The following GRIP1 variants were observed in gnomAD, a reference collection of about 807,000 sequenced individuals.
GRIP1 encodes glutamate receptor-interacting protein 1.
A neutral mutation model predicts 129.9 loss-of-function variants in GRIP1; 45 were observed. The observed-to-expected ratio is 0.35, with a 90% CI of 0.27 to 0.44. The LOEUF (loss-of-function observed/expected upper bound fraction) is 0.44. GRIP1 is among the 20% of genes least tolerant of loss of function. GRIP1 has a pLI of 1.00. For synonymous variants in GRIP1, 530 were observed against 520.8 expected, an observed-to-expected ratio of 1.02 and a Z score of -0.24; for missense variants, 1,196 against 1,396.8, an observed-to-expected ratio of 0.86 and a Z score of 2.29.
At chr12:66,702,600 G>A (rs1385427751) in intron 1 of GRIP1, among the ~76,000 whole-genome samples, 3 of 152,072 alleles carry the variant, frequency 2.0e-5, no homozygotes, top group Admixed American at 1.3e-4. Context: ...ACAACAAAGT[G>A]GCCACAGAAG....
intron 1 of GRIP1, among the ~76,000 whole-genome samples, chr12:66,651,478 C>T (rs2032790548): frequency 6.6e-6 from 1 of 152,160 alleles, no homozygotes; most frequent in South Asian, 2.1e-4. Flanking sequence ...ATTCTCAATC[C>T]TCTTTATTTC....
At chr12:67,060,616 T>A (rs901141852) in intron 1 of GRIP1, among the ~76,000 whole-genome samples, 1 of 151,720 alleles carries the variant, frequency 6.6e-6, no homozygotes, top group Non-Finnish European at 1.5e-5. Flanking sequence ...AGGTCAGGAG[T>A]TCGAGACCAG....
intron 16 of GRIP1, among the ~76,000 whole-genome samples, chr12:66,398,740 ATGAT>A (rs2056882011): frequency 6.6e-6 from 1 of 152,030 alleles, no homozygotes; most frequent in Non-Finnish European, 1.5e-5. Flanking sequence ...TCCATCAGGT[ATGAT>A]TGAGATTTGG....
At chr12:66,465,688 T>C (rs1426389355) in intron 7 of GRIP1, among the ~76,000 whole-genome samples, 1 of 152,254 alleles carries the variant, frequency 6.6e-6, no homozygotes, top group Non-Finnish European at 1.5e-5. Context: ...TCACTTGGGA[T>C]AATATCTTAT....
intron 1 of GRIP1, among the ~76,000 whole-genome samples, chr12:66,644,217 T>A (rs2032173098): frequency 6.6e-6 from 1 of 151,990 alleles, no homozygotes; most frequent in African/African-American, 2.4e-5. Flanking sequence ...ATTATGGGAG[T>A]ACAATTCAAG....
chr12:66,581,937 G>A (rs1009987000), intron 2 of GRIP1, among the ~76,000 whole-genome samples: 10 of 152,040 alleles, frequency 6.6e-5, no homozygotes, highest in Non-Finnish European at 8.8e-5. Flanking sequence ...CCAAAGCCAG[G>A]CAGAGACACA....
intron 23 of GRIP1, among the ~76,000 whole-genome samples, chr12:66,355,090 T>C (rs1201581077): frequency 1.3e-5 from 2 of 152,176 alleles, no homozygotes; most frequent in East Asian, 1.9e-4. Context: ...AGTGTCCTCC[T>C]GGACAGGAGC....
intron 1 of GRIP1, among the ~76,000 whole-genome samples, chr12:66,884,463 G>A (rs2040531112): frequency 6.6e-6 from 1 of 152,152 alleles, no homozygotes; most frequent in South Asian, 2.1e-4. Context: ...AAAGGAAAGA[G>A]AATTGTAATA....
At chr12:66,888,063 T>G (rs530765587) in intron 1 of GRIP1, among the ~76,000 whole-genome samples, 19 of 152,128 alleles carry the variant, frequency 1.2e-4, no homozygotes, top group Admixed American at 1.2e-3. Flanking sequence ...TTTATTTTAT[T>G]TTATTTTATT....
At chr12:66,653,692 G>C (rs911828699) in intron 1 of GRIP1, among the ~76,000 whole-genome samples, 1 of 152,068 alleles carries the variant, frequency 6.6e-6, no homozygotes, top group Non-Finnish European at 1.5e-5. Context: ...CAAGATAATC[G>C]ACTGCCTGAA....
chr12:66,906,227 C>A (rs1414829673), intron 1 of GRIP1, among the ~76,000 whole-genome samples: 1 of 151,770 alleles, frequency 6.6e-6, no homozygotes, highest in Non-Finnish European at 1.5e-5. Context: ...AATTCAAGAC[C>A]AGCCTGGGCA....
intron 1 of GRIP1, among the ~76,000 whole-genome samples, chr12:66,643,084 G>C (rs1348305490): frequency 2.0e-5 from 3 of 152,196 alleles, no homozygotes; most frequent in Non-Finnish European, 4.4e-5. Flanking sequence ...GATTGGCATG[G>C]ATTAAAGAAG....
At chr12:66,411,969 T>A (rs554871831) in intron 15 of GRIP1, among the ~76,000 whole-genome samples, 1 of 152,118 alleles carries the variant, frequency 6.6e-6, no homozygotes, top group South Asian at 2.1e-4. Context: ...CCTCCAAAAA[T>A]ATGGGATTAT....
intron 1 of GRIP1, among the ~76,000 whole-genome samples, chr12:66,615,642 A>T (rs1038224496): frequency 1.3e-5 from 2 of 152,146 alleles, no homozygotes; most frequent in Non-Finnish European, 2.9e-5. Flanking sequence ...TTTTAAAAAA[A>T]TTTTATTTTT....
intron 1 of GRIP1, among the ~76,000 whole-genome samples, chr12:66,640,711 A>C (rs947439658): frequency 6.6e-5 from 10 of 152,190 alleles, no homozygotes; most frequent in African/African-American, 2.4e-4. Context: ...AGCATAAAAA[A>C]ACTAAGAGAG....
intron 1 of GRIP1, among the ~76,000 whole-genome samples, chr12:66,956,469 A>G (rs565866938): frequency 3.0e-4 from 45 of 152,300 alleles, no homozygotes; most frequent in Non-Finnish European, 5.9e-4. Context: ...AGGTTTCTCC[A>G]CTGTACGGTT....
chr12:66,582,205 AC>A (rs1253686542), intron 2 of GRIP1, among the ~76,000 whole-genome samples: 1 of 150,228 alleles, frequency 6.7e-6, no homozygotes, highest in African/African-American at 2.5e-5. Flanking sequence ...AAATTCAACA[AC>A]CCTTCATGCT....
intron 15 of GRIP1, among the ~76,000 whole-genome samples, chr12:66,408,163 AAATATCCCTCGGGCCCTG>A (rs2057263628): frequency 1.3e-5 from 2 of 152,128 alleles, no homozygotes; most frequent in Non-Finnish European, 2.9e-5. Flanking sequence ...CCTGCTGACT[AAATATCCCTCGGGCCCTG>A]AATAATCAGC....
chr12:66,459,992 G>A (rs964487488), intron 9 of GRIP1, among the ~76,000 whole-genome samples: 1 of 152,182 alleles, frequency 6.6e-6, no homozygotes, highest in Non-Finnish European at 1.5e-5. Context: ...ACTAGGCACT[G>A]TGCTAGGTGC....
Sources: allele counts gnomAD v4.1 joint callset (sites outside exome capture counted in the v4.1 genomes callset), GRCh38; gene constraint gnomAD v4.1.1; transcripts MANE v1.5; gene names NCBI Gene and HGNC (gene_info 2026-07-23, HGNC 2026-07-21).